The following PRELID2 variants were observed in gnomAD, a reference collection of about 807,000 sequenced individuals.
PRELID2 encodes PRELI domain-containing protein 2.
PRELID2 carries 25 observed loss-of-function variants against 28.4 expected under a neutral mutation model. The observed-to-expected ratio is 0.88, with a 90% CI of 0.64 to 1.23. PRELID2 has a LOEUF of 1.23. Among genes scored for constraint, PRELID2 ranks in the 50% most tolerant of loss-of-function variants. The probability of loss-of-function intolerance (pLI) is 0.00; values close to 1 mark genes in which losing one functional copy is unlikely to be tolerated. For synonymous variants in PRELID2, 76 were observed against 71.6 expected, an observed-to-expected ratio of 1.06 and a Z score of -0.31; for missense variants, 201 against 214.4, an observed-to-expected ratio of 0.94 and a Z score of 0.39.
the PRELID2 span, among the ~76,000 whole-genome samples, chr5:145,234,923 T>C: frequency 2.6e-5 from 4 of 152,134 alleles, no homozygotes; most frequent in African/African-American, 9.7e-5. Flanking sequence ...TATGTCCTCT[T>C]CTTCCTCCAG....
rs145501388 is a variant in PRELID2, at chr5:145,657,640, G to A, written n.70+107291C>T. Among the ~76,000 whole-genome samples, 510 of 152,162 alleles carry A rather than the reference G, an allele frequency of 3.4e-3. 3 individuals are homozygous for A. Among genetic ancestry groups the A allele is most frequent in the African/African-American group, 0.012 (489 of 41,514 alleles). On this transcript the variant is annotated intron_variant and non_coding_transcript_variant, in intron 1 of 2. Coordinates refer to the PRELID2 transcript ENST00000510259. ...ACAGAGGTTGCACTGAGCCAAGATC[G>A]CACAACTGCACTCCAGCCTGGGCAA...
chr5:145,344,837 T>C, the PRELID2 span, among the ~76,000 whole-genome samples: 2 of 152,120 alleles, frequency 1.3e-5, no homozygotes, highest in Non-Finnish European at 2.9e-5. Flanking sequence ...GTTTCTTCTT[T>C]AGTGAATTGC....
At chr5:145,539,905 A>T (rs1752732080) in intron 1 of PRELID2, among the ~76,000 whole-genome samples, 3 of 151,922 alleles carry the variant, frequency 2.0e-5, no homozygotes, top group Admixed American at 6.6e-5. Flanking sequence ...GTATTAAATG[A>T]AAAACAACTA....
intron 1 of PRELID2, among the ~76,000 whole-genome samples, chr5:145,476,558 T>C (rs1752103352): frequency 6.6e-6 from 1 of 151,962 alleles, no homozygotes; most frequent in Non-Finnish European, 1.5e-5. Flanking sequence ...GGCAGGAGAA[T>C]CGCCTGAACC....
chr5:145,579,421 C>T (rs535149713), intron 1 of PRELID2, among the ~76,000 whole-genome samples: 1 of 152,182 alleles, frequency 6.6e-6, no homozygotes, highest in African/African-American at 2.4e-5. Flanking sequence ...TCATTTAATT[C>T]ATCAGTTTTA....
chr5:145,737,868 G>A (rs1417472187), intron 1 of PRELID2, among the ~76,000 whole-genome samples: 1 of 152,172 alleles, frequency 6.6e-6, no homozygotes, highest in East Asian at 1.9e-4. Context: ...AGCAGGTAAT[G>A]AGCCCCACTG....
At chr5:145,437,877 A>G in the PRELID2 span, among the ~76,000 whole-genome samples, 1 of 152,152 alleles carries the variant, frequency 6.6e-6, no homozygotes, top group Admixed American at 6.6e-5. Flanking sequence ...TCAAAAAGGC[A>G]GGAGATGTAT....
At chr5:145,610,010 C>T (rs1269219595) in intron 1 of PRELID2, among the ~76,000 whole-genome samples, 1 of 152,168 alleles carries the variant, frequency 6.6e-6, no homozygotes, top group Non-Finnish European at 1.5e-5. Flanking sequence ...GCTCCAGATC[C>T]CAAGGCTTAT....
intron 1 of PRELID2, among the ~76,000 whole-genome samples, chr5:145,831,262 G>C (rs1755565488): frequency 6.6e-6 from 1 of 152,210 alleles, no homozygotes; most frequent in Admixed American, 6.5e-5. Context: ...TGATGCTGCT[G>C]ACTGCACAAG....
rs918865419 is a variant in PRELID2 at position 145,771,941 on chromosome 5, C to T, written c.475-6941G>A. On this transcript the variant is annotated intron_variant, in intron 5 of 6. Transcript: ENST00000683046. ...TGAAGGGAGGAAAGGGCGAAGGGAT[C>T]TACATCCAGTTTTCTCATCAAAAGG... Among the ~76,000 whole-genome samples the T allele has an allele frequency of 1.2e-4, 19 of 152,130 alleles. 1 individual carries two copies. Among genetic ancestry groups the T allele is most frequent in the Admixed American group, 6.5e-5 (1 of 15,280 alleles).
At chr5:145,513,787 G>A (rs1231159165) in intron 1 of PRELID2, among the ~76,000 whole-genome samples, 8 of 152,154 alleles carry the variant, frequency 5.3e-5, no homozygotes, top group Non-Finnish European at 1.2e-4. Flanking sequence ...TCAGATTAAC[G>A]GTGGATCTCT....
the PRELID2 span, among the ~76,000 whole-genome samples, chr5:145,375,098 C>A: frequency 1.3e-5 from 2 of 152,112 alleles, no homozygotes; most frequent in African/African-American, 2.4e-5. Flanking sequence ...TTCATTGATT[C>A]TTTCTCACCT....
At chr5:145,424,106 G>T in the PRELID2 span, among the ~76,000 whole-genome samples, 1 of 150,848 alleles carries the variant, frequency 6.6e-6, no homozygotes, top group African/African-American at 2.4e-5. Context: ...CAGATCTCCA[G>T]CTGCGTGCTG....
the PRELID2 span, among the ~76,000 whole-genome samples, chr5:145,324,490 C>T: frequency 2.0e-5 from 3 of 152,142 alleles, no homozygotes; most frequent in East Asian, 5.8e-4. Flanking sequence ...TTAGGAGTTC[C>T]TTGTTTCTGG....
chr5:145,547,879 T>C (rs1169369819), intron 1 of PRELID2, among the ~76,000 whole-genome samples: 1 of 152,236 alleles, frequency 6.6e-6, no homozygotes, highest in African/African-American at 2.4e-5. Context: ...AATGTTCTTT[T>C]CTTTTTCAAG....
At chr5:145,695,434 GC>G (rs1755239581) in intron 1 of PRELID2, among the ~76,000 whole-genome samples, 1 of 152,186 alleles carries the variant, frequency 6.6e-6, no homozygotes, top group South Asian at 2.1e-4. Flanking sequence ...GTAGAGAGAA[GC>G]CAGCTAATGC....
chr5:145,497,999 C>A (rs1458223916), intron 1 of PRELID2, among the ~76,000 whole-genome samples: 8 of 152,122 alleles, frequency 5.3e-5, no homozygotes, highest in Admixed American at 5.2e-4. Flanking sequence ...ACTCTCAATC[C>A]ACTGTTAGGT....
chr5:145,540,117 C>G (rs536091281), intron 1 of PRELID2, among the ~76,000 whole-genome samples: 4 of 152,056 alleles, frequency 2.6e-5, no homozygotes, highest in African/African-American at 9.6e-5. Context: ...ACTTGCATCT[C>G]AACCCTAACC....
chr5:145,269,477 C>G, the PRELID2 span, among the ~76,000 whole-genome samples: 2 of 151,820 alleles, frequency 1.3e-5, no homozygotes, highest in African/African-American at 4.8e-5. Context: ...ACCCCATAAC[C>G]CAATTAATTC....
Sources: allele counts gnomAD v4.1 joint callset (sites outside exome capture counted in the v4.1 genomes callset), GRCh38; gene constraint gnomAD v4.1.1; transcripts MANE v1.5; gene names NCBI Gene and HGNC (gene_info 2026-07-23, HGNC 2026-07-21).